SMYD3: variants seen among roughly 807,000 people sequenced by gnomAD.
The protein encoded by SMYD3 is SET and MYND domain containing 3, also known as histone-lysine N-methyltransferase SMYD3.
SMYD3 carries 36 observed loss-of-function variants against 57.7 expected under a neutral mutation model. That is an observed-to-expected ratio of 0.62 (90% CI 0.48 to 0.82). The LOEUF is 0.82. SMYD3 is among the 40% of genes least tolerant of loss of function. The pLI is 0.00. For synonymous variants in SMYD3, 211 were observed against 195.0 expected (o/e 1.08, Z -0.68); for missense variants, 515 against 538.8 (o/e 0.96, Z 0.44).
At chr1:246,147,262 A>G (rs927674779) in intron 5 of SMYD3, among the ~76,000 whole-genome samples, 2 of 152,078 alleles carry the variant, frequency 1.3e-5, no homozygotes, top group African/African-American at 4.8e-5. Context: ...CAGGAACGGC[A>G]GCAGCTTCGA....
At chr1:245,793,119 C>T (rs376118182) in intron 10 of SMYD3, among the ~76,000 whole-genome samples, 2 of 144,358 alleles carry the variant, frequency 1.4e-5, no homozygotes, top group African/African-American at 5.2e-5. Context: ...ACCATCCTGG[C>T]TAACACGGTG....
chr1:245,813,754 C>A (rs767464926), intron 10 of SMYD3, among the ~76,000 whole-genome samples: 19 of 152,000 alleles, frequency 1.3e-4, no homozygotes, highest in Non-Finnish European at 2.8e-4. Flanking sequence ...AGAAAAGGGA[C>A]TAGTGGAGGA....
At chr1:245,954,569 A>T (rs952950804) in intron 5 of SMYD3, among the ~76,000 whole-genome samples, 1 of 152,192 alleles carries the variant, frequency 6.6e-6, no homozygotes, top group Non-Finnish European at 1.5e-5. Context: ...ACAGCTACTC[A>T]GGAAGCTGAG....
At chr1:246,009,640 C>G (rs537393849) in intron 5 of SMYD3, among the ~76,000 whole-genome samples, 1 of 151,896 alleles carries the variant, frequency 6.6e-6, no homozygotes, top group African/African-American at 2.4e-5. Context: ...CTGCAGATGG[C>G]CAGAGCCGTA....
chr1:245,851,936 T>C (rs906063254), intron 10 of SMYD3, among the ~76,000 whole-genome samples: 6 of 152,128 alleles, frequency 3.9e-5, no homozygotes, highest in African/African-American at 1.4e-4. Context: ...TGCAGCAGCA[T>C]GTTGGAAGCA....
chr1:246,235,563 C>T (rs556035288), intron 5 of SMYD3, among the ~76,000 whole-genome samples: 12 of 139,968 alleles, frequency 8.6e-5, no homozygotes, highest in African/African-American at 2.2e-4. Flanking sequence ...GACAAAAAGA[C>T]ATGTATGGTG....
chr1:245,880,966 C>T (rs1048353642), intron 8 of SMYD3, among the ~76,000 whole-genome samples: 2 of 151,818 alleles, frequency 1.3e-5, no homozygotes, highest in Admixed American at 1.3e-4. Context: ...AGTACGGATA[C>T]CCACCCAGGG....
intron 2 of SMYD3, among the ~76,000 whole-genome samples, chr1:246,353,286 G>A (rs1461526581): frequency 6.6e-6 from 1 of 152,156 alleles, no homozygotes; most frequent in East Asian, 1.9e-4. Flanking sequence ...CCAGCACTTT[G>A]GGAGGCCAAA....
intron 5 of SMYD3, among the ~76,000 whole-genome samples, chr1:246,116,508 G>A (rs1572052022): frequency 6.6e-6 from 1 of 152,178 alleles, no homozygotes. Flanking sequence ...CTTTTAACTT[G>A]TAAGTCAGTG....
At chr1:245,820,629 T>C (rs1290616686) in intron 10 of SMYD3, among the ~76,000 whole-genome samples, 1 of 152,188 alleles carries the variant, frequency 6.6e-6, no homozygotes, top group Admixed American at 6.5e-5. Context: ...ACGACATGAT[T>C]GTATATCTAG....
chr1:245,830,036 G>A (rs2049743515), intron 10 of SMYD3, among the ~76,000 whole-genome samples: 1 of 152,130 alleles, frequency 6.6e-6, no homozygotes, highest in South Asian at 2.1e-4. Context: ...AATTGATTGT[G>A]GTGATGATTG....
At chr1:245,797,828 C>CA (rs559088835) in intron 10 of SMYD3, among the ~76,000 whole-genome samples, 1,785 of 109,372 alleles carry the variant, frequency 0.016, 31 homozygotes, top group African/African-American at 0.04. Context: ...TTCCGGGTTC[C>CA]AAAAAAAAAA....
At chr1:245,913,276 A>G (rs2147763999) in intron 8 of SMYD3, among the ~76,000 whole-genome samples, 1 of 150,918 alleles carries the variant, frequency 6.6e-6, no homozygotes, top group African/African-American at 2.4e-5. Context: ...AAAACCAAAC[A>G]CCACATGTTC....
At chr1:246,286,002 T>C (rs2064554751) in intron 5 of SMYD3, among the ~76,000 whole-genome samples, 2 of 152,152 alleles carry the variant, frequency 1.3e-5, no homozygotes, top group African/African-American at 4.8e-5. Context: ...GAAGTTGGCA[T>C]GGATGCTGTG....
At chr1:246,457,546 AAAGAAAAGAAAAG>A (rs1419187893) in intron 1 of SMYD3, among the ~76,000 whole-genome samples, 3 of 80,062 alleles carry the variant, frequency 3.7e-5, no homozygotes, top group Middle Eastern at 7.9e-3. Context: ...AAAAAAAAAA[AAAGAAAAGAAAAG>A]AAAAGAAAAG....
chr1:245,867,964 C>T (rs1246129728), intron 8 of SMYD3, among the ~76,000 whole-genome samples: 1 of 152,234 alleles, frequency 6.6e-6, no homozygotes. Context: ...ATCTTCCCCA[C>T]TTAACTGTAA....
rs112869029 is a variant in SMYD3, at chr1:245,793,166, G to A, written c.1077-29017C>T. ...CTACTAAAAATACAAAAAATGAGCC[G>A]GGCATGGTGGCGGGTGCCTGTAGTC... On this transcript the variant is annotated intron_variant, in intron 10 of 11. Coordinates refer to ENST00000490107, the MANE Select transcript of SMYD3 (RefSeq NM_001167740.2). Among the ~76,000 whole-genome samples the A allele has an allele frequency of 2.6e-3, 387 of 149,664 alleles. 1 individual carries two copies. The highest frequency in any genetic ancestry group is 9.0e-3 in the African/African-American group (361 of 40,192).
intron 8 of SMYD3, among the ~76,000 whole-genome samples, chr1:245,890,600 G>A (rs1328858963): frequency 6.6e-6 from 1 of 152,160 alleles, no homozygotes; most frequent in Non-Finnish European, 1.5e-5. Context: ...TGGAAAAAAA[G>A]GGAACCCTCG....
At chr1:246,062,162 C>A (rs1225915714) in intron 5 of SMYD3, among the ~76,000 whole-genome samples, 1 of 131,666 alleles carries the variant, frequency 7.6e-6, no homozygotes, top group Non-Finnish European at 1.6e-5. Context: ...AGTTCATCCA[C>A]ATGTGATTCA....
Sources: gnomAD v4.1 joint callset for allele counts (sites outside exome capture counted in the v4.1 genomes callset) on GRCh38, gnomAD v4.1.1 for gene constraint, MANE v1.5 for transcripts, NCBI Gene and HGNC (gene_info 2026-07-23, HGNC 2026-07-21) for gene names.